MAGI2: variants seen among roughly 807,000 people sequenced by gnomAD.
MAGI2 encodes the protein membrane associated guanylate kinase, WW and PDZ domain containing 2, also known as membrane-associated guanylate kinase, WW and PDZ domain-containing protein 2.
MAGI2 carries 35 observed loss-of-function variants against 133.3 expected under a neutral mutation model. The ratio of observed to expected loss-of-function variants is 0.26; its 90% CI spans 0.20 to 0.35. MAGI2 has a LOEUF of 0.35. Among genes scored for constraint, MAGI2 ranks in the 10% least tolerant of loss-of-function variants. The pLI, the probability that MAGI2 is intolerant of heterozygous loss-of-function variation, is 1.00. For synonymous variants in MAGI2, 729 were observed against 710.6 expected (o/e 1.03, Z -0.41); for missense variants, 1,636 against 1,863.4 (o/e 0.88, Z 2.25).
chr7:78,169,544 G>T (rs888378150), intron 14 of MAGI2, among the ~76,000 whole-genome samples: 9 of 148,636 alleles, frequency 6.1e-5, no homozygotes, highest in African/African-American at 2.2e-4. Context: ...GAACACCCAG[G>T]ACTTCTCAGG....
At chr7:78,417,850 A>G (rs1203607633) in intron 6 of MAGI2, among the ~76,000 whole-genome samples, 1 of 152,148 alleles carries the variant, frequency 6.6e-6, no homozygotes, top group Non-Finnish European at 1.5e-5. Flanking sequence ...TTTTCTTTTC[A>G]TACTTAAAAA....
intron 2 of MAGI2, among the ~76,000 whole-genome samples, chr7:78,693,350 C>A (rs1223129741): frequency 6.6e-6 from 1 of 151,932 alleles, no homozygotes; most frequent in Non-Finnish European, 1.5e-5. Context: ...TTCTCTACTC[C>A]CCTTGGGCCA....
At chr7:78,036,300 TA>T (rs1419580480) in intron 21 of MAGI2, among the ~76,000 whole-genome samples, 1 of 152,194 alleles carries the variant, frequency 6.6e-6, no homozygotes, top group Non-Finnish European at 1.5e-5. Context: ...ATAAGTGATA[TA>T]ATATCTATCC....
intron 9 of MAGI2, among the ~76,000 whole-genome samples, chr7:78,341,249 A>T (rs1349942223): frequency 6.6e-6 from 1 of 152,214 alleles, no homozygotes; most frequent in African/African-American, 2.4e-5. Flanking sequence ...AATACAACTT[A>T]CGAGGGATGT....
At chr7:78,573,268 AT>A (rs1241678797) in intron 3 of MAGI2, among the ~76,000 whole-genome samples, 1 of 25,024 alleles carries the variant, frequency 4.0e-5, no homozygotes, top group Non-Finnish European at 6.6e-5. Context: ...ATATAAATAT[AT>A]ATAAATATAT....
chr7:78,590,235 T>C (rs1803858176), intron 3 of MAGI2, among the ~76,000 whole-genome samples: 1 of 152,208 alleles, frequency 6.6e-6, no homozygotes, highest in African/African-American at 2.4e-5. Context: ...CACAAGTCAC[T>C]GAGGAGCTGA....
intron 16 of MAGI2, among the ~76,000 whole-genome samples, chr7:78,141,732 C>T (rs7798012): frequency 1.3e-5 from 2 of 152,116 alleles, no homozygotes; most frequent in Non-Finnish European, 2.9e-5. Context: ...ATGAGTCATT[C>T]TCTTGTGGTT....
rs915717189 is a variant in MAGI2 at position 79,353,800 on chromosome 7, T to A, written c.301+99220A>T. On this transcript the variant is annotated intron_variant, in intron 1 of 21. Coordinates refer to ENST00000354212, the MANE Select transcript of MAGI2 (RefSeq NM_012301.4). ...CACTGAGTCCATCTAACAACCACTT[T>A]CACTGGGTGCTGGCAGGGGGTGGTG... The A allele has an allele frequency of 3.3e-5, 7 of 213,572 alleles. No individual in the cohort carries two copies. The Admixed American group carries it at 3.6e-4, about 11-fold the overall frequency. 13.2% of individuals were successfully genotyped at this position (213,572 alleles called of 1,614,324 possible). A position where few individuals can be genotyped will look rare whatever the true frequency, so the allele number is the denominator to read the frequency against.
intron 6 of MAGI2, among the ~76,000 whole-genome samples, chr7:78,476,018 T>C (rs1791713185): frequency 6.6e-6 from 1 of 151,906 alleles, no homozygotes; most frequent in South Asian, 2.1e-4. Flanking sequence ...CTTAGCATAC[T>C]ATCTTCCCCA....
intron 9 of MAGI2, among the ~76,000 whole-genome samples, chr7:78,285,273 T>C (rs762701305): frequency 6.6e-6 from 1 of 152,208 alleles, no homozygotes; most frequent in Non-Finnish European, 1.5e-5. Context: ...TTAGAACTCC[T>C]TTGTATCCTT....
At chr7:78,958,596 T>C (rs186030936) in intron 2 of MAGI2, among the ~76,000 whole-genome samples, 8 of 152,294 alleles carry the variant, frequency 5.3e-5, no homozygotes, top group African/African-American at 1.9e-4. Flanking sequence ...AAAGTAATTA[T>C]AGTTAGCTAG....
chr7:79,032,526 A>AG (rs1810702126), intron 1 of MAGI2, among the ~76,000 whole-genome samples: 2 of 151,910 alleles, frequency 1.3e-5, no homozygotes. Flanking sequence ...TCAGAAAAAA[A>AG]AAAAAAAAAG....
chr7:79,260,342 T>C (rs1461557816), intron 1 of MAGI2, among the ~76,000 whole-genome samples: 1 of 151,758 alleles, frequency 6.6e-6, no homozygotes, highest in Non-Finnish European at 1.5e-5. Context: ...GGTGACACAG[T>C]GAGACCCCCA....
At chr7:78,060,828 T>C (rs1813163174) in intron 21 of MAGI2, among the ~76,000 whole-genome samples, 1 of 151,470 alleles carries the variant, frequency 6.6e-6, no homozygotes, top group South Asian at 2.1e-4. Context: ...GAGATGAGAG[T>C]GAATAGCAGG....
intron 2 of MAGI2, among the ~76,000 whole-genome samples, chr7:78,644,807 T>C (rs886664964): frequency 1.3e-5 from 2 of 150,850 alleles, no homozygotes; most frequent in African/African-American, 4.9e-5. Context: ...TCTAAATAAA[T>C]AGAAAAAAAA....
intron 1 of MAGI2, among the ~76,000 whole-genome samples, chr7:79,071,590 G>A (rs544206298): frequency 7.2e-5 from 11 of 152,192 alleles, no homozygotes; most frequent in African/African-American, 2.6e-4. Context: ...GGGAAATGGG[G>A]GTTTTATCTA....
In MAGI2 at chr7:78,583,865, G is replaced by A. The variant is rs187058777; in HGVS notation, c.538+43255C>T. On this transcript the variant is annotated intron_variant, in intron 3 of 21. Transcript: ENST00000354212. ...GTCAGTTTCATTTCTCTTGTCTATG[G>A]TAATTGAGTCCTTATAATGGAGAAT... is the stretch of plus-strand genomic sequence containing the variant. 1.8e-3 allele frequency among the ~76,000 whole-genome samples: 267 copies of A among 152,294 alleles called. 6 individuals carry two copies. Among genetic ancestry groups the A allele is most frequent in the African/African-American group, 6.1e-3 (253 of 41,560 alleles).
intron 1 of MAGI2, among the ~76,000 whole-genome samples, chr7:79,192,874 T>C (rs1485799517): frequency 2.6e-5 from 4 of 151,858 alleles, no homozygotes; most frequent in Non-Finnish European, 4.4e-5. Flanking sequence ...GAGAACAATA[T>C]GTTGGGGGAG....
At chr7:79,063,756 T>C (rs748054498) in intron 1 of MAGI2, among the ~76,000 whole-genome samples, 41 of 152,196 alleles carry the variant, frequency 2.7e-4, no homozygotes, top group Non-Finnish European at 4.7e-4. Flanking sequence ...CTTCTCAAAT[T>C]AAAACGTTAA....
Sources: gnomAD v4.1 joint callset for allele counts (sites outside exome capture counted in the v4.1 genomes callset) on GRCh38, gnomAD v4.1.1 for gene constraint, MANE v1.5 for transcripts, NCBI Gene and HGNC (gene_info 2026-07-23, HGNC 2026-07-21) for gene names.